TNFSF8: variants seen among roughly 807,000 people sequenced by gnomAD.
The protein encoded by TNFSF8 is TNF superfamily member 8, also known as tumor necrosis factor ligand superfamily member 8.
A neutral mutation model predicts 22.0 loss-of-function variants in TNFSF8; 4 were observed. That is an observed-to-expected ratio of 0.18 (90% CI 0.09 to 0.42). The LOEUF is 0.42. TNFSF8 is among the 10% of genes least tolerant of loss of function. The pLI is 1.00. For synonymous variants in TNFSF8, 106 were observed against 112.5 expected (o/e 0.94, Z 0.37); for missense variants, 233 against 281.8 (o/e 0.83, Z 1.24).
chr9:114,899,693 A>G (rs149665119), downstream of TNFSF8, among the ~76,000 whole-genome samples: 95 of 152,250 alleles, frequency 6.2e-4, no homozygotes, highest in East Asian at 0.017. Context: ...AGCACATACC[A>G]TGTTGGATTG....
chr9:114,923,113 T>G (rs1359886007), intron 1 of TNFSF8, among the ~76,000 whole-genome samples: 2 of 152,112 alleles, frequency 1.3e-5, no homozygotes, highest in Non-Finnish European at 2.9e-5. Flanking sequence ...CTATCAAATC[T>G]TTTTATCATC....
chr9:114,894,142 G>C (rs916648950), exon 5 of TNFSF8: 1 of 1,535,152 alleles, frequency 6.5e-7, no homozygotes, highest in Non-Finnish European at 8.7e-7. Flanking sequence ...AGTGTGAATG[G>C]TGGAGGATCA....
downstream of TNFSF8, among the ~76,000 whole-genome samples, chr9:114,898,443 T>C (rs111509436): frequency 2.7e-4 from 41 of 152,222 alleles, no homozygotes; most frequent in South Asian, 4.1e-4. Context: ...TGTCTGGAGA[T>C]GGGATTTATA....
chr9:114,898,418 G>A (rs528188762), downstream of TNFSF8, among the ~76,000 whole-genome samples: 23 of 152,254 alleles, frequency 1.5e-4, no homozygotes, highest in African/African-American at 4.3e-4. Context: ...AAGAACAATC[G>A]GGAGATGCTA....
At chr9:114,914,319 G>A (rs551187411) in intron 2 of TNFSF8, among the ~76,000 whole-genome samples, 1 of 152,318 alleles carries the variant, frequency 6.6e-6, no homozygotes, top group African/African-American at 2.4e-5. Flanking sequence ...TGCCCTACCA[G>A]CTTCTCTGCA....
downstream of TNFSF8, among the ~76,000 whole-genome samples, chr9:114,899,347 T>TTTA (rs1554775965): frequency 6.4e-3 from 916 of 143,884 alleles, 18 homozygotes; most frequent in African/African-American, 0.023. Flanking sequence ...AAGTTATTAT[T>TTTA]TTTTTTTTTT....
intron 1 of TNFSF8, 111 bp from the exon 2 acceptor site, chr9:114,918,249 A>G (rs1827944566): frequency 2.4e-6 from 2 of 836,968 alleles, no homozygotes; most frequent in Non-Finnish European, 3.5e-6. Context: ...TTTACAATTC[A>G]TCCTCCACCT....
At chr9:114,919,889 T>C (rs1363786353) in intron 1 of TNFSF8, among the ~76,000 whole-genome samples, 1 of 152,158 alleles carries the variant, frequency 6.6e-6, no homozygotes, top group Non-Finnish European at 1.5e-5. Flanking sequence ...GGAGGTCTCC[T>C]GAAGGCAAAG....
At chr9:114,896,075 A>G (rs1200753332) in intron 4 of TNFSF8, among the ~76,000 whole-genome samples, 9 of 152,218 alleles carry the variant, frequency 5.9e-5, no homozygotes, top group Admixed American at 5.9e-4. Context: ...GACCAAGCCA[A>G]TTCATGAAAG....
chr9:114,925,299 G>A (rs972616075), intron 1 of TNFSF8, among the ~76,000 whole-genome samples: 1 of 152,168 alleles, frequency 6.6e-6, no homozygotes, highest in Non-Finnish European at 1.5e-5. Flanking sequence ...TCTATAGCAT[G>A]CTCACTTAAC....
chr9:114,922,075 G>C (rs1370404290), intron 1 of TNFSF8, among the ~76,000 whole-genome samples: 4 of 152,042 alleles, frequency 2.6e-5, no homozygotes, highest in Non-Finnish European at 4.4e-5. Flanking sequence ...CTTTCCACTG[G>C]GTTATTGTGG....
At chr9:114,905,120 A>C (rs1172828110) in intron 3 of TNFSF8, among the ~76,000 whole-genome samples, 2 of 152,252 alleles carry the variant, frequency 1.3e-5, no homozygotes, top group Admixed American at 1.3e-4. Context: ...TTTCAGGGCC[A>C]GGAAGCTGGC....
Position 114,903,839 on chromosome 9 carries a change from G to T in TNFSF8, c.*92C>A. The T allele has an allele frequency of 6.6e-7, 1 of 1,516,072 alleles. No individual in the cohort carries two copies. The highest frequency in any genetic ancestry group is 2.3e-5 in the East Asian group (1 of 44,178). The allele number at this position is 1,516,072 out of a possible 1,614,324, so 93.9% of individuals were successfully genotyped here. ...TTTAATACCCTGTGTAGTTTGTCTT[G>T]GTCTAAAGTTTTCTTTTTGCCCAAG... On this transcript the variant is annotated 3_prime_UTR_variant, in exon 4 of 4. Transcript: ENST00000223795.
downstream of TNFSF8, among the ~76,000 whole-genome samples, chr9:114,900,814 T>C (rs1027058501): frequency 1.3e-5 from 2 of 152,164 alleles, no homozygotes; most frequent in Non-Finnish European, 2.9e-5. Flanking sequence ...AAATCCCGTC[T>C]CTACTAAAAA....
chr9:114,897,435 T>G (rs1827668523), downstream of TNFSF8, among the ~76,000 whole-genome samples: 1 of 152,144 alleles, frequency 6.6e-6, no homozygotes, highest in African/African-American at 2.4e-5. Flanking sequence ...ATAAGATTGG[T>G]AGGGTTCCTG....
intron 2 of TNFSF8, among the ~76,000 whole-genome samples, chr9:114,909,284 A>G (rs1827824085): frequency 6.6e-6 from 1 of 152,222 alleles, no homozygotes; most frequent in Non-Finnish European, 1.5e-5. Context: ...GTGGCATTAC[A>G]TGCAGCTGAA....
rs1324611924 is a variant in TNFSF8 at position 114,903,667 on chromosome 9, T to C, written c.*264A>G. 2.6e-6 allele frequency: 3 copies of C among 1,146,044 alleles called. No homozygotes were observed. In the African/African-American group the frequency reaches 4.8e-5, roughly 18 times the overall value. The allele number at this position is 1,146,044 out of a possible 1,614,324, so 71.0% of individuals were successfully genotyped here. On this transcript the variant is annotated 3_prime_UTR_variant, in exon 4 of 4. Coordinates refer to ENST00000223795, the MANE Select transcript of TNFSF8 (RefSeq NM_001244.4). ...GTGAATTAGAGGTTGGGCTGGGACA[T>C]CCATTCATCCCTTCTGATTCTGTGT... is the stretch of plus-strand genomic sequence containing the variant.
Position 114,930,111 on chromosome 9 carries a change from T to C in TNFSF8, c.193A>G (p.Thr65Ala). 1 of 1,477,364 alleles carries C rather than the reference T, an allele frequency of 6.8e-7. No individual in the cohort carries two copies. Among genetic ancestry groups the C allele is most frequent in the Non-Finnish European group, 9.0e-7 (1 of 1,105,590 alleles). The allele number at this position is 1,477,364 out of a possible 1,614,324, so 91.5% of individuals were successfully genotyped here. ...GGGAGGAAGAGGAGTCCACTTACCG[T>C]CCTCTGAACGACCAACACCATAATA... is the stretch of plus-strand genomic sequence containing the variant. ...ATIMVLVVQR[T>A]DSIPNSPDNV... The change falls in exon 1 of 4, where the codon ACG (threonine) becomes GCG (alanine). Residue 65 changes from threonine (T) to alanine (A), a missense_variant and splice_region_variant. Transcript: ENST00000223795.
At chr9:114,911,353 C>T (rs1827849846) in intron 2 of TNFSF8, among the ~76,000 whole-genome samples, 1 of 152,170 alleles carries the variant, frequency 6.6e-6, no homozygotes, top group African/African-American at 2.4e-5. Context: ...TTCTTCATTC[C>T]AGGCTTCAGG....
Sources: gnomAD v4.1 joint callset for allele counts (sites outside exome capture counted in the v4.1 genomes callset) on GRCh38, gnomAD v4.1.1 for gene constraint, MANE v1.5 for transcripts, NCBI Gene and HGNC (gene_info 2026-07-23, HGNC 2026-07-21) for gene names.